Variants in CAMTA1 observed in about 807,000 individuals in gnomAD.
CAMTA1 encodes calmodulin binding transcription activator 1, also known as calmodulin-binding transcription activator 1.
A neutral mutation model predicts 170.9 loss-of-function variants in CAMTA1; 27 were observed. The ratio of observed to expected loss-of-function variants is 0.16; its 90% CI spans 0.12 to 0.22. The LOEUF is 0.22. Among genes scored for constraint, CAMTA1 ranks in the 10% least tolerant of loss-of-function variants. The pLI is 1.00. For synonymous variants in CAMTA1, 833 were observed against 891.5 expected (o/e 0.93, Z 1.17); for missense variants, 1,619 against 2,217.2 (o/e 0.73, Z 5.42).
At chr1:7,048,005 G>C (rs1458013829) in intron 3 of CAMTA1, among the ~76,000 whole-genome samples, 1 of 152,118 alleles carries the variant, frequency 6.6e-6, no homozygotes, top group African/African-American at 2.4e-5. Flanking sequence ...CTGATTCCCT[G>C]TTTAGCCAGT....
intron 3 of CAMTA1, among the ~76,000 whole-genome samples, chr1:7,038,442 G>T (rs774073716): frequency 6.6e-6 from 1 of 152,184 alleles, no homozygotes; most frequent in Non-Finnish European, 1.5e-5. Flanking sequence ...TCAATTTAAA[G>T]ATTTCAAACG....
chr1:7,321,054 G>T (rs1322252186), intron 5 of CAMTA1, among the ~76,000 whole-genome samples: 3 of 152,214 alleles, frequency 2.0e-5, no homozygotes, highest in South Asian at 2.1e-4. Context: ...AGGAATGGGG[G>T]AATGAGCTCA....
intron 1 of CAMTA1, among the ~76,000 whole-genome samples, chr1:6,816,825 G>A (rs768839217): frequency 3.9e-5 from 6 of 152,162 alleles, no homozygotes; most frequent in African/African-American, 1.4e-4. Context: ...ATCAAAACAC[G>A]AAGTTGTCCT....
chr1:7,141,832 C>T (rs1170685869), intron 4 of CAMTA1, among the ~76,000 whole-genome samples: 4 of 152,120 alleles, frequency 2.6e-5, no homozygotes, highest in Non-Finnish European at 4.4e-5. Flanking sequence ...TACATGACTC[C>T]GAAGGCCTAT....
chr1:7,053,218 C>G (rs1184701493), intron 3 of CAMTA1, among the ~76,000 whole-genome samples: 1 of 152,188 alleles, frequency 6.6e-6, no homozygotes, highest in Non-Finnish European at 1.5e-5. Flanking sequence ...GCGGTGGCAG[C>G]TTCTTTTCCT....
chr1:7,376,548 G>T (rs2086856925), intron 5 of CAMTA1, among the ~76,000 whole-genome samples: 1 of 152,146 alleles, frequency 6.6e-6, no homozygotes, highest in Non-Finnish European at 1.5e-5. Context: ...CCATACCAGT[G>T]AACTCATGCA....
intron 4 of CAMTA1, among the ~76,000 whole-genome samples, chr1:7,183,623 A>C (rs763357342): frequency 5.9e-5 from 9 of 152,248 alleles, no homozygotes; most frequent in South Asian, 2.1e-4. Context: ...TACATGGCAC[A>C]GTGGATACTA....
intron 4 of CAMTA1, among the ~76,000 whole-genome samples, chr1:7,247,495 G>A (rs920304866): frequency 9.9e-5 from 15 of 152,276 alleles, no homozygotes; most frequent in East Asian, 1.9e-4. Flanking sequence ...TTGGATCAAC[G>A]TCCAGTCTTC....
At chr1:6,815,418 G>A (rs1645673721) in intron 1 of CAMTA1, among the ~76,000 whole-genome samples, 1 of 152,088 alleles carries the variant, frequency 6.6e-6, no homozygotes, top group Non-Finnish European at 1.5e-5. Context: ...TGCCCAGGCT[G>A]GTATTGAACT....
At chr1:7,628,900 C>G (rs1179940707) in intron 6 of CAMTA1, among the ~76,000 whole-genome samples, 1 of 152,170 alleles carries the variant, frequency 6.6e-6, no homozygotes, top group Admixed American at 6.5e-5. Context: ...GACAGGAGGC[C>G]AGAGGTATGG....
chr1:7,421,798 GTGTC>G (rs1157457409), intron 5 of CAMTA1, among the ~76,000 whole-genome samples: 5 of 151,620 alleles, frequency 3.3e-5, no homozygotes, highest in African/African-American at 1.2e-4. Context: ...CTGGGGTTGG[GTGTC>G]TGTGGTCAAC....
intron 22 of CAMTA1, among the ~76,000 whole-genome samples, chr1:7,763,067 C>T (rs1384915004): frequency 6.6e-6 from 1 of 152,184 alleles, no homozygotes; most frequent in Non-Finnish European, 1.5e-5. Flanking sequence ...AACCTGGACT[C>T]AATTCCCTGT....
At chr1:7,624,060 A>G (rs1252296381) in intron 6 of CAMTA1, among the ~76,000 whole-genome samples, 1 of 152,260 alleles carries the variant, frequency 6.6e-6, no homozygotes. Flanking sequence ...TTTCTTTGCA[A>G]ACATGGGTGT....
At chr1:7,315,947 G>T (rs1280000606) in intron 5 of CAMTA1, among the ~76,000 whole-genome samples, 1 of 152,122 alleles carries the variant, frequency 6.6e-6, no homozygotes, top group Non-Finnish European at 1.5e-5. Context: ...ATTGACTCAC[G>T]GTTCCATATG....
rs999988698 is a variant in CAMTA1 at position 7,685,338 on chromosome 1, A to G, written c.2914+7605A>G. On this transcript the variant is annotated intron_variant, in intron 11 of 22. Transcript: ENST00000303635. This position sits in a 1 kb window ranked among gnomAD's most constrained non-coding sequence, Gnocchi z 5.7. ...AGGATGCCCTCCTGTTGGAATGCTC[A>G]GGGACGGCCATGGGGCAGCAGGATA... Among the ~76,000 whole-genome samples, 17 of 152,302 alleles carry G rather than the reference A, an allele frequency of 1.1e-4. No homozygotes were observed. The highest frequency in any genetic ancestry group is 4.1e-4 in the African/African-American group (17 of 41,556).
At chr1:7,265,848 G>C (rs1668840027) in intron 5 of CAMTA1, among the ~76,000 whole-genome samples, 1 of 152,126 alleles carries the variant, frequency 6.6e-6, no homozygotes, top group Admixed American at 6.5e-5. Context: ...CCATTACCAA[G>C]ACTCTGATTC....
intron 5 of CAMTA1, among the ~76,000 whole-genome samples, chr1:7,255,026 G>A (rs888442300): frequency 4.6e-5 from 7 of 152,162 alleles, no homozygotes; most frequent in South Asian, 2.1e-4. Flanking sequence ...AAAAAATCAT[G>A]TGTCTCACGA....
intron 5 of CAMTA1, among the ~76,000 whole-genome samples, chr1:7,377,463 A>C (rs1191411435): frequency 1.3e-5 from 2 of 152,216 alleles, no homozygotes; most frequent in African/African-American, 2.4e-5. Context: ...CTCAGGCCCC[A>C]GATATTCTCC....
At chr1:7,280,973 G>A (rs968256224) in intron 5 of CAMTA1, among the ~76,000 whole-genome samples, 1 of 152,312 alleles carries the variant, frequency 6.6e-6, no homozygotes, top group Non-Finnish European at 1.5e-5. Context: ...AATCCAAAAT[G>A]TGACACATTT....
Sources: gnomAD v4.1 joint callset for allele counts (sites outside exome capture counted in the v4.1 genomes callset) on GRCh38, gnomAD v4.1.1 for gene constraint, Gnocchi (gnomAD v3.1) non-coding constraint, MANE v1.5 for transcripts, NCBI Gene and HGNC (gene_info 2026-07-23, HGNC 2026-07-21) for gene names.